The following PATJ variants were observed in gnomAD, a reference collection of about 807,000 sequenced individuals.
PATJ encodes PATJ crumbs cell polarity complex component.
PATJ carries 190 observed loss-of-function variants against 224.9 expected under a neutral mutation model. The ratio of observed to expected loss-of-function variants is 0.84; its 90% CI spans 0.75 to 0.95. The LOEUF is 0.95. Ranked by LOEUF, PATJ falls within the 40% of genes least tolerant of loss-of-function variation. The pLI is 0.00. For synonymous variants in PATJ, 769 were observed against 820.3 expected, an observed-to-expected ratio of 0.94 and a Z score of 1.07; for missense variants, 2,121 against 2,270.3, an observed-to-expected ratio of 0.93 and a Z score of 1.34.
chr1:61,751,930 G>C (rs1365563300), intron 1 of PATJ, among the ~76,000 whole-genome samples: 1 of 152,034 alleles, frequency 6.6e-6, no homozygotes, highest in Non-Finnish European at 1.5e-5. Flanking sequence ...CCTGAAGTTG[G>C]GAGTTTCAGA....
chr1:61,922,807 A>G (rs923881677), intron 26 of PATJ, among the ~76,000 whole-genome samples: 2 of 152,248 alleles, frequency 1.3e-5, no homozygotes, highest in African/African-American at 4.8e-5. Flanking sequence ...TTGGTTACCT[A>G]TAGTGAACCA....
At chr1:62,105,441 G>A (rs1157959724) in intron 33 of PATJ, among the ~76,000 whole-genome samples, 1 of 152,234 alleles carries the variant, frequency 6.6e-6, no homozygotes, top group Non-Finnish European at 1.5e-5. Context: ...ATTACAGGGT[G>A]CTACCAGGAG....
rs536070355 is a variant in PATJ, at chr1:62,066,477, G to A, written c.4126-12973G>A. Among the ~76,000 whole-genome samples the A allele has an allele frequency of 9.9e-5, 15 of 151,792 alleles. 1 individual carries two copies. Among genetic ancestry groups the A allele is most frequent in the African/African-American group, 3.6e-4 (15 of 41,334 alleles). On this transcript the variant is annotated intron_variant, in intron 31 of 43. Transcript: ENST00000642238. ...CAGCTCACTGCAGCTTTGACCTCCT[G>A]GGCTCAAGCAGTCTTCCTGCCACAG... is the stretch of plus-strand genomic sequence containing the variant.
In PATJ at chr1:61,775,197, A is replaced by C. The variant is rs1178830773; in HGVS notation, c.721-9A>C. 4 of 1,603,684 alleles carry C rather than the reference A, an allele frequency of 2.5e-6. No individual in the cohort carries two copies. The highest frequency in any genetic ancestry group is 3.4e-6 in the Non-Finnish European group (4 of 1,176,754). ...GATACTGCGACTCTTATTTGCCATT[A>C]ATTTGTAGGTTTGTTGGGGCCATGT... On this transcript the variant is annotated splice_polypyrimidine_tract_variant and intron_variant, in intron 6 of 43. Coordinates refer to ENST00000642238, the MANE Select transcript of PATJ (RefSeq NM_001350145.3).
intron 21 of PATJ, among the ~76,000 whole-genome samples, chr1:61,881,482 G>A (rs1668092801): frequency 9.3e-5 from 14 of 150,276 alleles, no homozygotes. Flanking sequence ...CATGATGTCG[G>A]CTCTGTGCAA....
chr1:61,745,552 G>A (rs1195855181), intron 1 of PATJ, among the ~76,000 whole-genome samples: 1 of 151,414 alleles, frequency 6.6e-6, no homozygotes, highest in African/African-American at 2.4e-5. Flanking sequence ...GGGATTACAG[G>A]CGTGAGTCAC....
rs945166003 is a variant in PATJ at position 62,031,462 on chromosome 1, C to G, written c.3960-6515C>G. ...GTAATATGTTAATAGATAAAACACCCAGGACCCACATATGAAATGTGGACA... is the reference window on the plus strand; with the variant it reads ...GTAATATGTTAATAGATAAAACACCGAGGACCCACATATGAAATGTGGACA... On this transcript the variant is annotated intron_variant, in intron 29 of 43. Coordinates refer to ENST00000642238, the MANE Select transcript of PATJ (RefSeq NM_001350145.3). Among the ~76,000 whole-genome samples, 3 of 152,162 alleles carry G rather than the reference C, an allele frequency of 2.0e-5. 1 individual carries two copies. Among genetic ancestry groups the G allele is most frequent in the African/African-American group, 7.2e-5 (3 of 41,430 alleles).
chr1:61,804,572 C>G (rs947449186), intron 12 of PATJ, among the ~76,000 whole-genome samples: 1 of 152,126 alleles, frequency 6.6e-6, no homozygotes, highest in South Asian at 2.1e-4. Context: ...AATCTTAAGA[C>G]AAAATTGAGA....
rs1273740099 is a variant in PATJ at position 61,775,275 on chromosome 1, G to A, written c.790G>A (p.Gly264Arg). The A allele has an allele frequency of 5.6e-6, 9 of 1,613,784 alleles. No individual in the cohort carries two copies. The highest frequency in any genetic ancestry group is 7.6e-6 in the Non-Finnish European group (9 of 1,179,874). ...CTCTGGACTAGGTTTTGGAATAGTT[G>A]GAGGAAAAACAAGTGGCGTGGTTGT... ...DGSGLGFGIV[G>R]GKTSGVVVRT... Residue 264 changes from glycine (G) to arginine (R), a missense_variant, in exon 7 of 44, where the codon GGA (glycine) becomes AGA (arginine). Gly to Arg is a moderately radical substitution (Grantham distance 125). Transcript: ENST00000642238.
chr1:61,800,174 T>C (rs939414524), intron 11 of PATJ, among the ~76,000 whole-genome samples: 1 of 152,190 alleles, frequency 6.6e-6, no homozygotes, highest in Non-Finnish European at 1.5e-5. Context: ...CTCCATACTG[T>C]TTTCCACATC....
At position 61,920,739 on chromosome 1, in the gene PATJ, G is replaced by A. The variant is rs1026182529; in HGVS notation, c.3570+6075G>A. On this transcript the variant is annotated intron_variant, in intron 26 of 43. Coordinates refer to ENST00000642238, the MANE Select transcript of PATJ (RefSeq NM_001350145.3). ...TTTTTTTTTTTTGAGACAGAGTCTC[G>A]CTCTGTTGCCCAGGCTGGAGTGCAG... is the stretch of plus-strand genomic sequence containing the variant. Among the ~76,000 whole-genome samples the A allele has an allele frequency of 1.0e-4, 12 of 120,314 alleles. No homozygotes were observed. The East Asian group carries it at 1.7e-3, about 17-fold the overall frequency. The allele number at this position is 120,314 out of a possible 152,430, so 78.9% of individuals were successfully genotyped here.
At chr1:61,983,706 G>C (rs535213426) in intron 27 of PATJ, among the ~76,000 whole-genome samples, 1 of 152,110 alleles carries the variant, frequency 6.6e-6, no homozygotes, top group South Asian at 2.1e-4. Context: ...ACACTGTTGT[G>C]GGTACAGAAG....
At chr1:62,151,081 G>A (rs1009776296) in intron 42 of PATJ, among the ~76,000 whole-genome samples, 1 of 151,994 alleles carries the variant, frequency 6.6e-6, no homozygotes, top group African/African-American at 2.4e-5. Flanking sequence ...AGAGGTTGCG[G>A]TGAGCCAAGA....
chr1:62,130,181 A>G (rs147650821), intron 41 of PATJ, among the ~76,000 whole-genome samples: 1 of 152,086 alleles, frequency 6.6e-6, no homozygotes, highest in Admixed American at 6.5e-5. Flanking sequence ...AAAAAGTTAA[A>G]AAGTTAGCCC....
At chr1:61,758,070 CTG>C (rs1459188707) in intron 1 of PATJ, among the ~76,000 whole-genome samples, 2 of 152,104 alleles carry the variant, frequency 1.3e-5, no homozygotes, top group African/African-American at 4.8e-5. Flanking sequence ...ATTAACTTCT[CTG>C]TGTTAATGCA....
In PATJ at chr1:61,861,541, A is replaced by G. The variant is rs1435574945; in HGVS notation, c.2323-10A>G. 6.8e-6 allele frequency: 8 copies of G among 1,179,728 alleles called. No homozygotes were observed. The highest frequency in any genetic ancestry group is 9.7e-6 in the Non-Finnish European group (8 of 824,016). 73.1% of individuals were successfully genotyped at this position (1,179,728 alleles called of 1,614,324 possible). On this transcript the variant is annotated splice_polypyrimidine_tract_variant and intron_variant, in intron 18 of 43. Transcript: ENST00000642238. ...TCTTATTTATAAATAAAAGTGGTTT[A>G]TATTTTCAGGAAGATAATGAAGAAG...
chr1:61,928,146 G>A (rs1475514154), intron 27 of PATJ, among the ~76,000 whole-genome samples: 1 of 152,132 alleles, frequency 6.6e-6, no homozygotes, highest in Non-Finnish European at 1.5e-5. Context: ...ATAATTATCT[G>A]GGTTGGATGT....
At chr1:62,047,412 A>T (rs1040903270) in intron 30 of PATJ, among the ~76,000 whole-genome samples, 1 of 140,440 alleles carries the variant, frequency 7.1e-6, no homozygotes, top group African/African-American at 2.5e-5. Flanking sequence ...ACCCACCACC[A>T]CGCCTGGCTA....
At chr1:62,102,240 G>A (rs1308050716) in intron 33 of PATJ, among the ~76,000 whole-genome samples, 2 of 152,092 alleles carry the variant, frequency 1.3e-5, no homozygotes, top group South Asian at 2.1e-4. Context: ...CACTGGTCTT[G>A]TCTGAAGCAG....
Sources: allele counts gnomAD v4.1 joint callset (sites outside exome capture counted in the v4.1 genomes callset), GRCh38; gene constraint gnomAD v4.1.1; transcripts MANE v1.5; gene names NCBI Gene and HGNC (gene_info 2026-07-23, HGNC 2026-07-21).